The following XYLT1 variants were observed in gnomAD, a reference collection of about 807,000 sequenced individuals.
XYLT1 encodes xylosyltransferase 1, also known as beta-D-xylosyltransferase 1.
A neutral mutation model predicts 91.3 loss-of-function variants in XYLT1; 36 were observed. The ratio of observed to expected loss-of-function variants is 0.39; its 90% CI spans 0.30 to 0.52. The LOEUF is 0.52. Ranked by LOEUF, XYLT1 falls within the 20% of genes least tolerant of loss-of-function variation. The probability of loss-of-function intolerance (pLI) is 0.68; values close to 1 mark genes in which losing one functional copy is unlikely to be tolerated. For missense variants in XYLT1, 1,242 were observed against 1,284.5 expected, an observed-to-expected ratio of 0.97 and a Z score of 0.51; for synonymous variants, 588 against 532.0, an observed-to-expected ratio of 1.11 and a Z score of -1.45.
intron 1 of XYLT1, among the ~76,000 whole-genome samples, chr16:17,369,116 G>A (rs139285944): frequency 1.0e-3 from 147 of 147,062 alleles, no homozygotes; most frequent in African/African-American, 3.4e-3. Context: ...TCTGCATGGT[G>A]CACAAAAATA....
rs1966731851 is a variant in XYLT1 at position 17,103,344 on chromosome 16, G to A, written c.*5351C>T. The A allele has an allele frequency of 1.3e-5, 2 of 152,636 alleles. No homozygotes were observed. The highest frequency in any genetic ancestry group is 4.8e-5 in the African/African-American group (2 of 41,452). The allele number at this position is 152,636 out of a possible 1,614,324, so 9.5% of individuals were successfully genotyped here. A position where few individuals can be genotyped will look rare whatever the true frequency, so the allele number is the denominator to read the frequency against. ...AGAGAGTGCTTCAGGAGTTGGCTGA[G>A]CTTTAGATGAGCACCCAAGCCTTCA... On this transcript the variant is annotated 3_prime_UTR_variant, in exon 12 of 12. Coordinates refer to ENST00000261381, the MANE Select transcript of XYLT1 (RefSeq NM_022166.4).
At chr16:17,201,268 C>T (rs2032536379) in intron 3 of XYLT1, among the ~76,000 whole-genome samples, 1 of 152,146 alleles carries the variant, frequency 6.6e-6, no homozygotes, top group Non-Finnish European at 1.5e-5. Flanking sequence ...TCCTCCTCTC[C>T]TCTATTCTTA....
chr16:17,467,279 G>C (rs1286276091), intron 1 of XYLT1, among the ~76,000 whole-genome samples: 2 of 152,142 alleles, frequency 1.3e-5, no homozygotes, highest in African/African-American at 4.8e-5. Flanking sequence ...GTCACTAAGG[G>C]AAAGAAAATA....
At chr16:17,455,888 AAGGCC>A (rs1323390888) in intron 1 of XYLT1, among the ~76,000 whole-genome samples, 1 of 152,242 alleles carries the variant, frequency 6.6e-6, no homozygotes, top group Non-Finnish European at 1.5e-5. Flanking sequence ...ACAAAGGAAA[AAGGCC>A]AGGTCTGGCT....
At chr16:17,255,873 T>C (rs139765803) in intron 3 of XYLT1, among the ~76,000 whole-genome samples, 1 of 151,902 alleles carries the variant, frequency 6.6e-6, no homozygotes, top group East Asian at 1.9e-4. Flanking sequence ...CCAGGAGAGG[T>C]GGCAGGCACC....
chr16:17,277,895 G>A (rs1313105218), intron 2 of XYLT1, among the ~76,000 whole-genome samples: 4 of 152,114 alleles, frequency 2.6e-5, no homozygotes, highest in Non-Finnish European at 5.9e-5. Flanking sequence ...GGCTCACAGC[G>A]GTTATCTCAG....
At chr16:17,279,105 C>A (rs1317313846) in intron 2 of XYLT1, among the ~76,000 whole-genome samples, 1 of 152,208 alleles carries the variant, frequency 6.6e-6, no homozygotes, top group African/African-American at 2.4e-5. Flanking sequence ...ACTGGGACAG[C>A]ATTTCCTGTG....
intron 5 of XYLT1, among the ~76,000 whole-genome samples, chr16:17,192,366 T>C (rs1434277887): frequency 1.3e-5 from 2 of 152,096 alleles, no homozygotes; most frequent in Non-Finnish European, 2.9e-5. Flanking sequence ...CCCAAAGTGC[T>C]GGTGGCATTA....
At chr16:17,132,946 CT>C (rs1485887302) in intron 9 of XYLT1, among the ~76,000 whole-genome samples, 1 of 152,140 alleles carries the variant, frequency 6.6e-6, no homozygotes, top group African/African-American at 2.4e-5. Flanking sequence ...TGATTATCTC[CT>C]TTACACTTCA....
chr16:17,177,805 T>C (rs1342848504), intron 5 of XYLT1, among the ~76,000 whole-genome samples: 1 of 152,156 alleles, frequency 6.6e-6, no homozygotes, highest in African/African-American at 2.4e-5. Context: ...TAGAAAGTAC[T>C]AGAGGAACAC....
chr16:17,125,092 G>A (rs1017443011), intron 10 of XYLT1, among the ~76,000 whole-genome samples: 1 of 152,058 alleles, frequency 6.6e-6, no homozygotes, highest in African/African-American at 2.4e-5. Context: ...TGGTAATTCA[G>A]AGATTTCTTC....
chr16:17,309,265 C>T (rs532868844), intron 2 of XYLT1, among the ~76,000 whole-genome samples: 23 of 152,276 alleles, frequency 1.5e-4, no homozygotes, highest in Middle Eastern at 3.4e-3. Context: ...ATCCGTCCCC[C>T]GTAGTTGTAA....
intron 1 of XYLT1, among the ~76,000 whole-genome samples, chr16:17,430,262 T>C (rs2036374456): frequency 6.6e-6 from 1 of 152,110 alleles, no homozygotes; most frequent in Non-Finnish European, 1.5e-5. Flanking sequence ...TGCTCCAGAA[T>C]CTAGAACGTT....
intron 6 of XYLT1, among the ~76,000 whole-genome samples, chr16:17,145,395 G>A (rs954999486): frequency 1.3e-5 from 2 of 152,226 alleles, no homozygotes; most frequent in African/African-American, 2.4e-5. Flanking sequence ...ATTCAGGGAT[G>A]GGCCAGCAAT....
intron 6 of XYLT1, among the ~76,000 whole-genome samples, chr16:17,156,128 G>C (rs1420098602): frequency 6.6e-6 from 1 of 152,156 alleles, no homozygotes; most frequent in African/African-American, 2.4e-5. Flanking sequence ...AGTTCAGAGA[G>C]GTTAAGTCAC....
intron 2 of XYLT1, among the ~76,000 whole-genome samples, chr16:17,329,301 A>C (rs564295632): frequency 1.1e-3 from 170 of 152,316 alleles, no homozygotes; most frequent in African/African-American, 4.0e-3. Flanking sequence ...AATTATTTCA[A>C]TCCACCACTC....
At chr16:17,375,994 C>T (rs117872348) in intron 1 of XYLT1, among the ~76,000 whole-genome samples, 5 of 152,372 alleles carry the variant, frequency 3.3e-5, no homozygotes, top group Admixed American at 6.5e-5. Context: ...TGTTTGCTTG[C>T]GTCAGAGCCT....
At chr16:17,213,367 T>G (rs1462971421) in intron 3 of XYLT1, among the ~76,000 whole-genome samples, 1 of 152,202 alleles carries the variant, frequency 6.6e-6, no homozygotes, top group East Asian at 1.9e-4. Flanking sequence ...AATTATCCAC[T>G]CAGGTATTTC....
Position 17,470,759 on chromosome 16 carries a change from C to T in XYLT1, c.38G>A (p.Arg13His). The change falls in exon 1 of 12, where the codon CGC becomes CAC. Residue 13 changes from arginine to histidine, a missense_variant. By Grantham distance (29) the Arg-to-His change is conservative. Transcript: ENST00000261381. The stretch of plus-strand genomic sequence containing the variant: ...CGCCGCGAGCAGCGCCGAGTGCGAG[C>T]GCCGGGCCAGCCTCCGGGCGCACGG... Reference protein sequence around the residue: ...AAPCARRLARRSHSALLAALT... With the variant: ...AAPCARRLARHSHSALLAALT... 9.2e-7 allele frequency: 1 copy of T among 1,088,970 alleles called. No individual in the cohort carries two copies. The highest frequency in any genetic ancestry group is 1.1e-6 in the Non-Finnish European group (1 of 888,664). 67.5% of individuals were successfully genotyped at this position (1,088,970 alleles called of 1,614,324 possible).
Sources: allele counts gnomAD v4.1 joint callset (sites outside exome capture counted in the v4.1 genomes callset), GRCh38; gene constraint gnomAD v4.1.1; transcripts MANE v1.5; gene names NCBI Gene and HGNC (gene_info 2026-07-23, HGNC 2026-07-21).